The following ANK2 variants were observed in gnomAD, a reference collection of about 807,000 sequenced individuals.
ANK2 encodes ankyrin 2.
ANK2 carries 83 observed loss-of-function variants against 360.5 expected under a neutral mutation model. The ratio of observed to expected loss-of-function variants is 0.23; its 90% confidence interval spans 0.19 to 0.28. The LOEUF is 0.28. ANK2 is among the 10% of genes least tolerant of loss of function. The pLI is 1.00. For synonymous variants in ANK2, 1,740 were observed against 1,759.5 expected (o/e 0.99, Z 0.28); for missense variants, 4,201 against 4,795.7 (o/e 0.88, Z 3.66).
Position 113,356,871 on chromosome 4 carries a change from C to A in ANK2, c.8253C>A (p.Ser2751=). 4.3e-6 allele frequency: 7 copies of A among 1,613,972 alleles called. No homozygotes were observed. Among genetic ancestry groups the A allele is most frequent in the Non-Finnish European group, 5.9e-6 (7 of 1,179,964 alleles). ...SHLAEDRHAV[S]TEAEDRSYDK... is the part of the protein sequence containing the mutation. ...TAGCTGAAGACCGTCATGCTGTTTC[C>A]ACTGAGGCTGAAGACAGGTCTTATG... Residue 2751 remains serine, a synonymous_variant, in exon 38 of 46, where the codon TCC becomes TCA. Coordinates refer to ENST00000357077, the MANE Select transcript of ANK2 (RefSeq NM_001148.6).
At chr4:112,763,713 T>C in the ANK2 span, among the ~76,000 whole-genome samples, 1 of 147,940 alleles carries the variant, frequency 6.8e-6, no homozygotes, top group Non-Finnish European at 1.5e-5. Context: ...TTTGTATTTT[T>C]AGTAGAGACG....
intron 2 of ANK2, among the ~76,000 whole-genome samples, chr4:113,040,935 A>G (rs953583209): frequency 2.0e-5 from 3 of 152,012 alleles, no homozygotes; most frequent in Non-Finnish European, 2.9e-5. Flanking sequence ...TGTGATGATG[A>G]GGTCTCTTTC....
intron 1 of ANK2, among the ~76,000 whole-genome samples, chr4:113,075,210 C>T (rs1267876460): frequency 2.0e-5 from 3 of 152,270 alleles, no homozygotes; most frequent in South Asian, 2.1e-4. Flanking sequence ...TAGAGAAGTA[C>T]GTTTCAACAA....
At chr4:112,793,468 A>G in the ANK2 span, among the ~76,000 whole-genome samples, 1 of 152,084 alleles carries the variant, frequency 6.6e-6, no homozygotes, top group Non-Finnish European at 1.5e-5. Context: ...GTAATAAGAG[A>G]AGTAGATTTT....
intron 1 of ANK2, chr4:113,160,317 C>T: frequency 2.4e-6 from 1 of 417,414 alleles, no homozygotes; most frequent in Non-Finnish European, 4.7e-6. Context: ...CCTCTTGCTT[C>T]AGCCTCTCAA....
Position 113,354,845 on chromosome 4 carries a change from A to G in ANK2, c.6227A>G (p.Lys2076Arg). The G allele has an allele frequency of 2.5e-6, 4 of 1,614,188 alleles. No individual in the cohort carries two copies. Among genetic ancestry groups the G allele is most frequent in the Non-Finnish European group, 3.4e-6 (4 of 1,180,012 alleles). The change falls in exon 38 of 46, where the codon AAG (lysine) becomes AGG (arginine). Residue 2076 changes from lysine (K) to arginine (R), a missense_variant. This residue lies in a region of ANK2 where 2,642 missense variants were observed against 2,714.5 expected (regional missense o/e 0.97). Coordinates refer to ENST00000357077, the MANE Select transcript of ANK2 (RefSeq NM_001148.6). ...GTTCGTGTTTCCTCCATAGGAGTTA[A>G]GAAAGAAGATGCAGCTGGAGGAAAG... ...RGVRVSSIGV[K>R]KEDAAGGKEK...
chr4:113,214,044 C>T, intron 4 of ANK2: 1 of 691,452 alleles, frequency 1.4e-6, no homozygotes, highest in Non-Finnish European at 2.5e-6. Context: ...GAACTCAGCT[C>T]CTTACATGGG....
the ANK2 span, among the ~76,000 whole-genome samples, chr4:112,763,625 C>T: frequency 6.7e-6 from 1 of 149,716 alleles, no homozygotes; most frequent in Non-Finnish European, 1.5e-5. Flanking sequence ...CTCCACCTCC[C>T]GGGTTCAGCC....
At chr4:112,729,411 A>G in the ANK2 span, among the ~76,000 whole-genome samples, 8 of 152,340 alleles carry the variant, frequency 5.3e-5, no homozygotes, top group East Asian at 1.5e-3. Context: ...CATTATTCAC[A>G]ATAGCCAAGG....
chr4:112,881,325 C>T (rs1366357758), intron 1 of ANK2, among the ~76,000 whole-genome samples: 1 of 152,150 alleles, frequency 6.6e-6, no homozygotes, highest in Non-Finnish European at 1.5e-5. Flanking sequence ...GTGGTCCCAG[C>T]TACTTGGGAG....
chr4:113,155,383 G>T (rs1003373101), intron 1 of ANK2, among the ~76,000 whole-genome samples: 1 of 152,090 alleles, frequency 6.6e-6, no homozygotes, highest in African/African-American at 2.4e-5. Flanking sequence ...GATTAGAAAG[G>T]CAGTTCTAAG....
intron 22 of ANK2, among the ~76,000 whole-genome samples, chr4:113,299,764 T>C (rs567674796): frequency 5.3e-5 from 8 of 151,970 alleles, no homozygotes; most frequent in Non-Finnish European, 1.0e-4. Context: ...CTATGTTATA[T>C]TTTAAATGCA....
At chr4:112,888,052 G>A (rs1246508435) in intron 1 of ANK2, among the ~76,000 whole-genome samples, 1 of 151,996 alleles carries the variant, frequency 6.6e-6, no homozygotes, top group Non-Finnish European at 1.5e-5. Flanking sequence ...GTACTATAAG[G>A]CCTATTAATT....
intron 1 of ANK2, among the ~76,000 whole-genome samples, chr4:113,173,107 C>T (rs2098050147): frequency 6.6e-6 from 1 of 152,320 alleles, no homozygotes; most frequent in East Asian, 1.9e-4. Flanking sequence ...TCACACCTTT[C>T]AACTCTTAAT....
intron 2 of ANK2, among the ~76,000 whole-genome samples, chr4:113,180,184 A>G (rs941491139): frequency 6.6e-6 from 1 of 152,258 alleles, no homozygotes; most frequent in Admixed American, 6.5e-5. Context: ...GACTCAGACC[A>G]TGAAGCATAT....
chr4:112,878,736 C>A (rs1392863115), intron 1 of ANK2, among the ~76,000 whole-genome samples: 1 of 152,042 alleles, frequency 6.6e-6, no homozygotes, highest in African/African-American at 2.4e-5. Context: ...CGTGTTCACG[C>A]CATTTTCCTG....
intron 25 of ANK2, 45 bp from the exon 26 acceptor site, chr4:113,318,472 T>C (rs1029951134): frequency 1.3e-6 from 2 of 1,489,736 alleles, no homozygotes; most frequent in South Asian, 2.3e-5. Flanking sequence ...TTTACTTTAA[T>C]TGAAGCAAAG....
intron 17 of ANK2, 46 bp from the exon 18 acceptor site, chr4:113,282,629 G>A: frequency 6.8e-7 from 1 of 1,480,994 alleles, no homozygotes; most frequent in African/African-American, 1.4e-5. Context: ...TAGAGCAATT[G>A]TTAATCTTAC....
chr4:113,106,819 C>G, intron 1 of ANK2: 1 of 505,652 alleles, frequency 2.0e-6, no homozygotes, highest in Non-Finnish European at 4.0e-6. Context: ...TGACTCTGTA[C>G]TCTTTTATTT....
Sources: gnomAD v4.1 joint callset for allele counts (sites outside exome capture counted in the v4.1 genomes callset) on GRCh38, gnomAD v4.1.1 for gene constraint, gnomAD v4.1.1 regional missense constraint, MANE v1.5 for transcripts, NCBI Gene and HGNC (gene_info 2026-07-23, HGNC 2026-07-21) for gene names.